STPG4: variants seen among roughly 807,000 people sequenced by gnomAD.
STPG4 encodes the protein protein STPG4.
A neutral mutation model predicts 31.5 loss-of-function variants in STPG4; 41 were observed. The ratio of observed to expected loss-of-function variants is 1.30; its 90% confidence interval spans 1.01 to 1.69. STPG4 has a LOEUF of 1.69. STPG4 is among the 40% of genes most tolerant of loss of function. The pLI, the probability that STPG4 is intolerant of heterozygous loss-of-function variation, is 0.00. For synonymous variants in STPG4, 141 were observed against 103.0 expected (o/e 1.37, Z -2.24); for missense variants, 375 against 293.4 (o/e 1.28, Z -2.03).
At chr2:47,152,090 C>T (rs1436019689) in intron 2 of STPG4, among the ~76,000 whole-genome samples, 3 of 152,120 alleles carry the variant, frequency 2.0e-5, no homozygotes, top group South Asian at 4.1e-4. Flanking sequence ...AAGGCAACTT[C>T]GGTGATTCAA....
At chr2:47,145,761 A>C (rs568810960) in intron 3 of STPG4, among the ~76,000 whole-genome samples, 4 of 152,238 alleles carry the variant, frequency 2.6e-5, no homozygotes, top group Admixed American at 6.5e-5. Flanking sequence ...AAAACAGATA[A>C]ATATTCATGT....
At chr2:47,129,595 C>A (rs551370558) in intron 5 of STPG4, 1 of 228,510 alleles carries the variant, frequency 4.4e-6, no homozygotes, top group Non-Finnish European at 8.6e-6. Context: ...CCCCCCGTCA[C>A]GGCATTCCCT....
chr2:47,087,892 G>A (rs6726419), intron 6 of STPG4, among the ~76,000 whole-genome samples: 29,867 of 151,666 alleles, frequency 0.2, 5,253 homozygotes, highest in East Asian at 0.64. Context: ...GGGATTACAG[G>A]TGCCCGCCAC....
chr2:47,090,250 CT>C lies in STPG4; in HGVS notation c.624+19del. 6.6e-7 allele frequency: 1 copy of C among 1,520,930 alleles called. No homozygotes were observed. The highest frequency in any genetic ancestry group is 8.9e-7 in the Non-Finnish European group (1 of 1,118,972). 94.2% of individuals were successfully genotyped at this position (1,520,930 alleles called of 1,614,324 possible). A position where few individuals can be genotyped will look rare whatever the true frequency, so the allele number is the denominator to read the frequency against. ...CATACCCCTAGGGGTGGGGGGCGAT[CT>C]GTCTTTCCGAATACTTACTGAACAG... On this transcript the variant is annotated intron_variant, in intron 6 of 6. Transcript: ENST00000445927.
chr2:47,153,063 T>TC, intron 1 of STPG4, 47 bp from the exon 2 acceptor site: 1 of 1,440,106 alleles, frequency 6.9e-7, no homozygotes, highest in Non-Finnish European at 9.7e-7. Context: ...AGGTGATCCC[T>TC]TGAAATTAAA....
At chr2:47,125,353 C>G (rs536551635) in intron 5 of STPG4, among the ~76,000 whole-genome samples, 2 of 151,974 alleles carry the variant, frequency 1.3e-5, no homozygotes, top group Admixed American at 1.3e-4. Flanking sequence ...CTAGGGAGGT[C>G]GAGGCTGCAG....
chr2:47,127,285 T>C (rs1686385479), intron 5 of STPG4, among the ~76,000 whole-genome samples: 1 of 89,900 alleles, frequency 1.1e-5, no homozygotes, highest in African/African-American at 3.3e-5. Context: ...TTTTTTTTTT[T>C]TGAGACAGAG....
chr2:47,153,451 C>T (rs1686974515), intron 1 of STPG4, among the ~76,000 whole-genome samples: 1 of 152,188 alleles, frequency 6.6e-6, no homozygotes, highest in Admixed American at 6.5e-5. Flanking sequence ...CCAGAGTTGG[C>T]ATGAGAATAA....
intron 5 of STPG4, among the ~76,000 whole-genome samples, chr2:47,095,419 C>G (rs1006395260): frequency 1.3e-5 from 2 of 152,180 alleles, no homozygotes; most frequent in South Asian, 2.1e-4. Flanking sequence ...CCACCACGAG[C>G]TGCGAATGAG....
rs562467787 is a variant in STPG4, at chr2:47,147,046, G to A, written c.399+4212C>T. On this transcript the variant is annotated intron_variant, in intron 3 of 6. Coordinates refer to ENST00000445927, the MANE Select transcript of STPG4 (RefSeq NM_001163561.2). ...TCCCAGCTATTCAGGAAGCTAAGGG[G>A]GAGGATTGCTTGAGCCTGGGGAATC... Among the ~76,000 whole-genome samples the A allele has an allele frequency of 4.5e-3, 689 of 152,224 alleles. 7 individuals are homozygous for A. The highest frequency in any genetic ancestry group is 0.016 in the African/African-American group (677 of 41,538).
intron 4 of STPG4, 58 bp downstream of exon 4, chr2:47,130,138 G>A (rs572516696): frequency 1.3e-6 from 2 of 1,517,662 alleles, no homozygotes; most frequent in East Asian, 2.3e-5. Context: ...AAAGCCAGGA[G>A]TATTGGCGTG....
chr2:47,126,331 CCTT>C (rs1686364626), intron 5 of STPG4, among the ~76,000 whole-genome samples: 2 of 151,542 alleles, frequency 1.3e-5, no homozygotes, highest in Non-Finnish European at 2.9e-5. Context: ...CTCTCCTTCT[CCTT>C]CTTCTTCTTC....
intron 5 of STPG4, chr2:47,108,854 A>G (rs905718871): frequency 2.6e-5 from 4 of 152,286 alleles, no homozygotes; most frequent in African/African-American, 9.6e-5. Context: ...CTGGCCAATC[A>G]GAGGAGCCTG....
intron 3 of STPG4, among the ~76,000 whole-genome samples, chr2:47,142,257 G>A (rs1057277615): frequency 4.6e-5 from 4 of 86,948 alleles, no homozygotes; most frequent in African/African-American, 1.5e-4. Flanking sequence ...TTTCTAGCCT[G>A]GCTACCTCTT....
chr2:47,092,069 T>C (rs747607676), intron 5 of STPG4, among the ~76,000 whole-genome samples: 5 of 145,682 alleles, frequency 3.4e-5, no homozygotes, highest in Non-Finnish European at 7.5e-5. Context: ...CTCAGAATGT[T>C]CATAAACAGT....
intron 5 of STPG4, among the ~76,000 whole-genome samples, chr2:47,107,724 G>A (rs1286477400): frequency 2.0e-5 from 3 of 152,176 alleles, no homozygotes; most frequent in Non-Finnish European, 2.9e-5. Flanking sequence ...GATCCACTGG[G>A]TGAAGCCAGC....
In STPG4 at chr2:47,087,059, C is replaced by G. The variant is rs184422124; in HGVS notation, c.696G>C (p.Met232Ile). 1.1e-5 allele frequency: 17 copies of G among 1,551,650 alleles called. No individual in the cohort carries two copies. The African/African-American group carries it at 2.2e-4, about 20-fold the overall frequency. Residue 232 changes from methionine to isoleucine, a missense_variant, in exon 7 of 7, where the codon ATG becomes ATC. Physicochemically the swap from Met to Ile is conservative, Grantham distance 10. Transcript: ENST00000445927. ...TGAAGAAAAGGCTATGCTCTTGGCCCATTTTGGCTATGGTCGGAGACTGCT... is the reference window on the plus strand; with the variant it reads ...TGAAGAAAAGGCTATGCTCTTGGCCGATTTTGGCTATGGTCGGAGACTGCT... ...FPKQSPTIAKMGQEHSLFFNN... is the reference protein window; with the variant it reads ...FPKQSPTIAKIGQEHSLFFNN...
chr2:47,145,594 G>A (rs1419188123), intron 3 of STPG4, among the ~76,000 whole-genome samples: 4 of 152,254 alleles, frequency 2.6e-5, no homozygotes, highest in Admixed American at 6.5e-5. Flanking sequence ...CAAGAGTAAC[G>A]AGCAATACAC....
Position 47,116,210 on chromosome 2 carries a change from G to A in STPG4, c.519+13731C>T, listed in dbSNP as rs149945075. 2.0e-5 allele frequency among the ~76,000 whole-genome samples: 3 copies of A among 152,312 alleles called. No homozygotes were observed. In the East Asian group the frequency reaches 5.8e-4, roughly 29 times the overall value. ...CCTCCAAAATTCAGGCATTGTCAAC[G>A]TGATAGTATTCAGAGGTGTGGACTT... On this transcript the variant is annotated intron_variant, in intron 5 of 6. Coordinates refer to ENST00000445927, the MANE Select transcript of STPG4 (RefSeq NM_001163561.2).
Sources: gnomAD v4.1 joint callset for allele counts (sites outside exome capture counted in the v4.1 genomes callset) on GRCh38, gnomAD v4.1.1 for gene constraint, MANE v1.5 for transcripts, NCBI Gene and HGNC (gene_info 2026-07-23, HGNC 2026-07-21) for gene names.